The following EYS variants were observed in gnomAD, a reference collection of about 807,000 sequenced individuals.
The protein encoded by EYS is protein eyes shut homolog.
EYS carries 250 observed loss-of-function variants against 282.1 expected under a neutral mutation model. That is an observed-to-expected ratio of 0.89 (90% CI 0.80 to 0.98). EYS has a LOEUF of 0.98. Ranked by LOEUF, EYS falls within the 50% of genes least tolerant of loss-of-function variation. The pLI is 0.00. For missense variants in EYS, 4,016 were observed against 3,709.0 expected, an observed-to-expected ratio of 1.08 and a Z score of -2.15; for synonymous variants, 1,355 against 1,282.9, an observed-to-expected ratio of 1.06 and a Z score of -1.20.
At position 65,689,047 on chromosome 6, in the gene EYS, T is replaced by C. The variant is rs1031468060; in HGVS notation, c.-448+18088A>G. Among the ~76,000 whole-genome samples, 13 of 150,412 alleles carry C rather than the reference T, an allele frequency of 8.6e-5. 1 individual carries two copies. The highest frequency in any genetic ancestry group is 4.5e-4 in the East Asian group (2 of 4,446). ...GGGTATATACCCAAAGGATTATAAA[T>C]CTTGCTGCTATAAAGACACATGTGC... On this transcript the variant is annotated intron_variant, in intron 1 of 42. Coordinates refer to ENST00000503581, the MANE Select transcript of EYS (RefSeq NM_001142800.2).
intron 22 of EYS, among the ~76,000 whole-genome samples, chr6:64,645,680 A>T (rs1024003112): frequency 1.4e-5 from 2 of 144,444 alleles, no homozygotes; most frequent in Non-Finnish European, 3.0e-5. Flanking sequence ...TTTAAAGATG[A>T]ATGTAAATAA....
intron 29 of EYS, among the ~76,000 whole-genome samples, chr6:64,370,102 T>C (rs1175959400): frequency 6.6e-6 from 1 of 152,144 alleles, no homozygotes; most frequent in Non-Finnish European, 1.5e-5. Context: ...CCTTGTCTTG[T>C]GCCAGTTTTC....
At chr6:65,141,257 C>T (rs1355780896) in intron 12 of EYS, among the ~76,000 whole-genome samples, 1 of 151,960 alleles carries the variant, frequency 6.6e-6, no homozygotes, top group African/African-American at 2.4e-5. Context: ...AAACCAAACA[C>T]CGCATGTTCT....
At chr6:64,472,237 T>C (rs1776142313) in intron 26 of EYS, among the ~76,000 whole-genome samples, 1 of 152,186 alleles carries the variant, frequency 6.6e-6, no homozygotes, top group African/African-American at 2.4e-5. Flanking sequence ...CAAGTAAATA[T>C]GGTCCTGCTG....
intron 33 of EYS, among the ~76,000 whole-genome samples, chr6:64,003,758 A>AGGTTCCT (rs1164012778): frequency 6.6e-6 from 1 of 152,198 alleles, no homozygotes; most frequent in Non-Finnish European, 1.5e-5. Flanking sequence ...GGAACCCAGT[A>AGGTTCCT]GGAGGTAATT....
rs187699410 is a variant in EYS, at chr6:64,242,013, A to C, written c.6192-11189T>G. On this transcript the variant is annotated intron_variant, in intron 30 of 42. Transcript: ENST00000503581. ...TAATCTTGAGTTCTAATTTGATTGC[A>C]CTGTGGTCTGAGAGACTGTTTGTTA... 2.6e-4 allele frequency among the ~76,000 whole-genome samples: 40 copies of C among 152,200 alleles called. 1 individual carries two copies. The East Asian group carries it at 5.6e-3, about 21-fold the overall frequency.
intron 28 of EYS, among the ~76,000 whole-genome samples, chr6:64,429,941 G>C (rs1774525780): frequency 6.6e-6 from 1 of 152,028 alleles, no homozygotes. Context: ...TGCTGACAGG[G>C]GTTAATTAAA....
chr6:64,484,480 G>C (rs1776525644), intron 26 of EYS, among the ~76,000 whole-genome samples: 1 of 151,580 alleles, frequency 6.6e-6, no homozygotes, highest in South Asian at 2.1e-4. Context: ...TAACTGGCTT[G>C]GTTGGCCTTA....
intron 2 of EYS, among the ~76,000 whole-genome samples, chr6:65,506,726 C>T (rs780208401): frequency 2.3e-4 from 35 of 151,806 alleles, no homozygotes; most frequent in South Asian, 8.3e-4. Context: ...CTTACCTCAG[C>T]TTCACAAAGT....
In EYS at chr6:65,405,464, A is replaced by G. The variant is rs1337633838; in HGVS notation, c.863-97T>C. 1.1e-5 allele frequency: 11 copies of G among 959,242 alleles called. No homozygotes were observed. The Admixed American group carries it at 1.4e-4, about 12-fold the overall frequency. The allele number at this position is 959,242 out of a possible 1,614,324, so 59.4% of individuals were successfully genotyped here. ...GCAAAACATTCTAGAAAATTTCTCT[A>G]GAGTTTATGAAATATTTTTATTTAA... On this transcript the variant is annotated intron_variant, in intron 5 of 42. Coordinates refer to ENST00000503581, the MANE Select transcript of EYS (RefSeq NM_001142800.2).
Position 65,369,329 on chromosome 6 carries a change from T to TA in EYS, c.1299+15056_1299+15057insT, listed in dbSNP as rs1765047041. 7.0e-5 allele frequency among the ~76,000 whole-genome samples: 10 copies of TA among 142,732 alleles called. No homozygotes were observed. In the South Asian group the frequency reaches 1.1e-3, roughly 15 times the overall value. 93.6% of individuals were successfully genotyped at this position (142,732 alleles called of 152,430 possible). A position where few individuals can be genotyped will look rare whatever the true frequency, so the allele number is the denominator to read the frequency against. ...ATAATATATATATTATATATATATA[T>TA]TTATATATATATATATCTCATTCTG... On this transcript the variant is annotated intron_variant, in intron 8 of 42. Transcript: ENST00000503581.
chr6:65,237,828 G>A (rs556013816), intron 12 of EYS, among the ~76,000 whole-genome samples: 60 of 152,074 alleles, frequency 3.9e-4, no homozygotes, highest in African/African-American at 1.4e-3. Flanking sequence ...ATGATGTATG[G>A]GTATGCAAGA....
At chr6:63,901,117 A>G (rs1773648048) in intron 35 of EYS, among the ~76,000 whole-genome samples, 1 of 151,796 alleles carries the variant, frequency 6.6e-6, no homozygotes, top group Non-Finnish European at 1.5e-5. Flanking sequence ...AGTATGTCCA[A>G]ATAACTAAAG....
intron 22 of EYS, among the ~76,000 whole-genome samples, chr6:64,764,026 T>C (rs1435812395): frequency 6.6e-6 from 1 of 152,178 alleles, no homozygotes; most frequent in Non-Finnish European, 1.5e-5. Context: ...ACTGCTTTCA[T>C]GGTCTGGCAT....
Position 65,061,736 on chromosome 6 carries a change from T to C in EYS, c.2024-4009A>G, listed in dbSNP as rs137879633. Among the ~76,000 whole-genome samples the C allele has an allele frequency of 3.2e-3, 480 of 152,106 alleles. 2 individuals carry two copies. Among genetic ancestry groups the C allele is most frequent in the African/African-American group, 0.011 (454 of 41,564 alleles). ...TAATCTGTTACTTAATGATATTTACTTCCATCATATTCCTCAATTGCTTGC... is the reference window on the plus strand; with the variant it reads ...TAATCTGTTACTTAATGATATTTACCTCCATCATATTCCTCAATTGCTTGC... On this transcript the variant is annotated intron_variant, in intron 12 of 42. Coordinates refer to ENST00000503581, the MANE Select transcript of EYS (RefSeq NM_001142800.2).
chr6:64,311,283 T>C (rs559334285), intron 29 of EYS, among the ~76,000 whole-genome samples: 147 of 152,142 alleles, frequency 9.7e-4, no homozygotes, highest in African/African-American at 3.2e-3. Context: ...GAAACAAAGA[T>C]ACACAATTCA....
Position 64,497,708 on chromosome 6 carries a change from C to T in EYS, c.5645-58356G>A, listed in dbSNP as rs1776933926. On this transcript the variant is annotated intron_variant, in intron 26 of 42. Transcript: ENST00000503581. ...TCGGAAGGTATCCCATTAACCCAGG[C>T]ATGTTACAATAACAACCCAGATTGA... 2.0e-5 allele frequency among the ~76,000 whole-genome samples: 3 copies of T among 151,976 alleles called. No homozygotes were observed. In the South Asian group the frequency reaches 6.2e-4, roughly 32 times the overall value.
At chr6:63,992,833 C>T (rs11970584) in intron 34 of EYS, among the ~76,000 whole-genome samples, 1,952 of 151,644 alleles carry the variant, frequency 0.013, 37 homozygotes, top group African/African-American at 0.044. Context: ...TTTGTGTCCC[C>T]ACCCAAAATC....
intron 31 of EYS, among the ~76,000 whole-genome samples, chr6:64,148,475 C>T (rs1774594454): frequency 6.6e-6 from 1 of 152,124 alleles, no homozygotes; most frequent in Admixed American, 6.6e-5. Flanking sequence ...CCTGATCCAG[C>T]AGCCCAGTCC....
Sources: allele counts gnomAD v4.1 joint callset (sites outside exome capture counted in the v4.1 genomes callset), GRCh38; gene constraint gnomAD v4.1.1; transcripts MANE v1.5; gene names NCBI Gene and HGNC (gene_info 2026-07-23, HGNC 2026-07-21).